OPCML: variants seen among roughly 807,000 people sequenced by gnomAD.
OPCML encodes opioid binding protein/cell adhesion molecule like.
Under a neutral mutation model 37.8 loss-of-function variants are expected in OPCML, and 13 were observed. That is an observed-to-expected ratio of 0.34 (90% CI 0.22 to 0.55). The LOEUF (loss-of-function observed/expected upper bound fraction) is 0.55, where lower values mean the gene tolerates loss of function less well. Ranked by LOEUF, OPCML falls within the 20% of genes least tolerant of loss-of-function variation. OPCML has a pLI of 0.91. For synonymous variants in OPCML, 176 were observed against 168.8 expected (o/e 1.04, Z -0.33); for missense variants, 341 against 435.6 (o/e 0.78, Z 1.93).
At chr11:132,474,429 G>T (rs1316332875) in intron 4 of OPCML, among the ~76,000 whole-genome samples, 1 of 152,156 alleles carries the variant, frequency 6.6e-6, no homozygotes, top group African/African-American at 2.4e-5. Context: ...TGAAACAATA[G>T]GCATTTCTCA....
intron 1 of OPCML, among the ~76,000 whole-genome samples, chr11:133,030,767 TA>T (rs1244230144): frequency 6.6e-6 from 1 of 152,162 alleles, no homozygotes; most frequent in East Asian, 1.9e-4. Context: ...CTGGTTCTCC[TA>T]AAAAGCCATC....
At chr11:132,979,607 C>T (rs1228105883) in intron 1 of OPCML, among the ~76,000 whole-genome samples, 1 of 152,222 alleles carries the variant, frequency 6.6e-6, no homozygotes, top group Non-Finnish European at 1.5e-5. Flanking sequence ...AGCATGTTGC[C>T]ATCTAGCATA....
At chr11:133,289,445 A>C (rs1396317102) in intron 1 of OPCML, among the ~76,000 whole-genome samples, 1 of 151,562 alleles carries the variant, frequency 6.6e-6, no homozygotes, top group African/African-American at 2.4e-5. Context: ...AATACAAAAA[A>C]TTAGCCGGGC....
chr11:133,172,958 T>C (rs1410383318), intron 1 of OPCML, among the ~76,000 whole-genome samples: 1 of 152,218 alleles, frequency 6.6e-6, no homozygotes, highest in African/African-American at 2.4e-5. Context: ...GTTGAATCTT[T>C]TGCCTGGGAT....
intron 2 of OPCML, among the ~76,000 whole-genome samples, chr11:132,849,188 C>T (rs1941687085): frequency 6.6e-6 from 1 of 152,226 alleles, no homozygotes; most frequent in African/African-American, 2.4e-5. Context: ...ACACAACTTT[C>T]TCCATTTTAT....
chr11:133,445,826 G>T (rs1030341666), intron 1 of OPCML, among the ~76,000 whole-genome samples: 5 of 152,184 alleles, frequency 3.3e-5, no homozygotes, highest in African/African-American at 1.2e-4. Flanking sequence ...GGAAAAGTGA[G>T]AAACAAGCAG....
intron 4 of OPCML, among the ~76,000 whole-genome samples, chr11:132,519,536 T>C (rs1418808248): frequency 2.0e-5 from 3 of 151,940 alleles, no homozygotes; most frequent in African/African-American, 7.3e-5. Context: ...GTTGCAAAAA[T>C]ACAGGCATAT....
intron 1 of OPCML, among the ~76,000 whole-genome samples, chr11:132,962,451 G>C (rs544376147): frequency 6.6e-6 from 1 of 152,324 alleles, no homozygotes; most frequent in Non-Finnish European, 1.5e-5. Context: ...TGCATCATCA[G>C]TTTGCCTAGT....
intron 1 of OPCML, among the ~76,000 whole-genome samples, chr11:133,145,795 T>C (rs1949889112): frequency 6.6e-6 from 1 of 152,034 alleles, no homozygotes; most frequent in South Asian, 2.1e-4. Flanking sequence ...GTATAACCAA[T>C]GGGCAGGCTG....
At chr11:133,368,933 C>T (rs1473146473) in intron 1 of OPCML, among the ~76,000 whole-genome samples, 1 of 152,162 alleles carries the variant, frequency 6.6e-6, no homozygotes, top group Non-Finnish European at 1.5e-5. Context: ...GTCTGATAAA[C>T]ATAGCTATAC....
At position 133,024,810 on chromosome 11, in the gene OPCML, C is replaced by T. The variant is rs1947519248; in HGVS notation, c.62-81800G>A. On this transcript the variant is annotated intron_variant, in intron 1 of 7. Transcript: ENST00000524381. ...AAAATGACTCTCCCAGGACTCAGTT[C>T]TATCACTGCCTGGGTGACCTGGTGA... 3.0e-6 allele frequency: 3 copies of T among 985,266 alleles called. No homozygotes were observed. The Admixed American group carries it at 1.8e-4, about 61-fold the overall frequency. 61.0% of individuals were successfully genotyped at this position (985,266 alleles called of 1,614,324 possible).
intron 1 of OPCML, among the ~76,000 whole-genome samples, chr11:133,531,569 A>G (rs1039977875): frequency 6.6e-6 from 1 of 152,170 alleles, no homozygotes; most frequent in African/African-American, 2.4e-5. Context: ...ATTTGGTGGA[A>G]GGATAAAGAA....
At chr11:132,631,260 T>C (rs1456218275) in intron 3 of OPCML, among the ~76,000 whole-genome samples, 1 of 150,968 alleles carries the variant, frequency 6.6e-6, no homozygotes, top group Non-Finnish European at 1.5e-5. Context: ...TTCAAACTCA[T>C]CAAATTGAAC....
intron 7 of OPCML, among the ~76,000 whole-genome samples, chr11:132,430,805 C>T (rs1401106020): frequency 6.6e-6 from 1 of 152,194 alleles, no homozygotes; most frequent in Admixed American, 6.5e-5. Context: ...CCTGCCAGTT[C>T]CAGTCATCCA....
chr11:132,518,790 G>A (rs901472726), intron 4 of OPCML, among the ~76,000 whole-genome samples: 9 of 152,136 alleles, frequency 5.9e-5, no homozygotes, highest in Non-Finnish European at 8.8e-5. Context: ...GCTCCAGACC[G>A]GCAGGAACAA....
At chr11:133,511,531 C>T (rs540113276) in intron 1 of OPCML, among the ~76,000 whole-genome samples, 2 of 152,200 alleles carry the variant, frequency 1.3e-5, no homozygotes, top group South Asian at 2.1e-4. Context: ...CACTCATGCC[C>T]TGAGGTCTTG....
At chr11:132,631,503 A>G (rs915127792) in intron 3 of OPCML, among the ~76,000 whole-genome samples, 1 of 151,014 alleles carries the variant, frequency 6.6e-6, no homozygotes, top group Non-Finnish European at 1.5e-5. Flanking sequence ...TCTGTCCCCC[A>G]GGCTGGAGTG....
intron 2 of OPCML, among the ~76,000 whole-genome samples, chr11:132,829,051 A>C (rs1354531507): frequency 6.6e-6 from 1 of 152,194 alleles, no homozygotes; most frequent in Non-Finnish European, 1.5e-5. Flanking sequence ...CATACAGATT[A>C]CTCCAACTCA....
chr11:133,201,791 G>GT (rs996574279), intron 1 of OPCML, among the ~76,000 whole-genome samples: 2 of 152,178 alleles, frequency 1.3e-5, no homozygotes, highest in Non-Finnish European at 2.9e-5. Flanking sequence ...AAGCCACTAT[G>GT]TCTGAGAAAT....
Sources: allele counts gnomAD v4.1 joint callset (sites outside exome capture counted in the v4.1 genomes callset), GRCh38; gene constraint gnomAD v4.1.1; transcripts MANE v1.5; gene names NCBI Gene and HGNC (gene_info 2026-07-23, HGNC 2026-07-21).